The following AKAP9 variants were observed in gnomAD, a reference collection of about 807,000 sequenced individuals.
AKAP9 encodes the protein A-kinase anchoring protein 9, also known as A-kinase anchor protein 9.
A neutral mutation model predicts 488.5 loss-of-function variants in AKAP9; 311 were observed. The ratio of observed to expected loss-of-function variants is 0.64; its 90% CI spans 0.58 to 0.70. The LOEUF (loss-of-function observed/expected upper bound fraction) is 0.70. Among genes scored for constraint, AKAP9 ranks in the 30% least tolerant of loss-of-function variants. The pLI, the probability that AKAP9 is intolerant of heterozygous loss-of-function variation, is 0.00. For missense variants in AKAP9, 4,215 were observed against 4,374.5 expected (o/e 0.96, Z 1.03); for synonymous variants, 1,462 against 1,483.5 (o/e 0.99, Z 0.33).
chr7:92,057,830 A>G (rs1809055366), intron 22 of AKAP9: 1 of 225,568 alleles, frequency 4.4e-6, no homozygotes, highest in African/African-American at 2.2e-5. Context: ...TCTTCTCTTC[A>G]AGGACTTAAT....
In AKAP9 at chr7:92,099,810, G is replaced by A. The variant is rs1817222090; in HGVS notation, c.10837G>A (p.Val3613Ile). The A allele has an allele frequency of 6.2e-7, 1 of 1,614,080 alleles. No homozygotes were observed. Among genetic ancestry groups the A allele is most frequent in the Non-Finnish European group, 8.5e-7 (1 of 1,179,986 alleles). ...TEEKNDLRNMVMKLEEQIRWY... is the reference protein window; with the variant it reads ...TEEKNDLRNMIMKLEEQIRWY... Reference sequence around the variant, plus strand: ...AGAGAAGAATGACTTAAGGAACATGGTTATGAAGCTGGAAGAGCAGATCAG... The same window carrying A: ...AGAGAAGAATGACTTAAGGAACATGATTATGAAGCTGGAAGAGCAGATCAG... Residue 3613 changes from valine to isoleucine, a missense_variant, in exon 44 of 50, where the codon GTT becomes ATT. This residue lies in a region of AKAP9 where 74 missense variants were observed against 113.0 expected (regional missense o/e 0.65). Transcript: ENST00000356239.
At chr7:92,032,548 T>A (rs1292078838) in intron 16 of AKAP9, among the ~76,000 whole-genome samples, 2 of 152,098 alleles carry the variant, frequency 1.3e-5, no homozygotes, top group Admixed American at 6.5e-5. Context: ...AATTATGAGT[T>A]TGCTTTTTTT....
intron 1 of AKAP9, among the ~76,000 whole-genome samples, chr7:91,957,895 G>A (rs770062575): frequency 1.5e-4 from 23 of 150,572 alleles, no homozygotes; most frequent in Non-Finnish European, 1.5e-4. Flanking sequence ...ACTATTTTCA[G>A]AAAAAAAAAT....
intron 1 of AKAP9, among the ~76,000 whole-genome samples, chr7:91,972,218 C>T (rs551243689): frequency 1.3e-5 from 2 of 152,144 alleles, no homozygotes; most frequent in South Asian, 2.1e-4. Context: ...TCTGATTTGG[C>T]GTCTCCTTTG....
intron 3 of AKAP9, among the ~76,000 whole-genome samples, chr7:91,989,124 G>A (rs1469312708): frequency 7.4e-6 from 1 of 135,366 alleles, no homozygotes; most frequent in Non-Finnish European, 1.6e-5. Context: ...TATGAAATGA[G>A]TGATGATGAT....
chr7:91,962,543 A>G (rs1304835525), intron 1 of AKAP9, among the ~76,000 whole-genome samples: 1 of 152,142 alleles, frequency 6.6e-6, no homozygotes, highest in East Asian at 1.9e-4. Flanking sequence ...TAAAAGATAA[A>G]TTATCTTTTT....
rs1289567538 is a variant in AKAP9, at chr7:91,975,235, C to CTT, written c.306+1268_306+1269dup. Among the ~76,000 whole-genome samples, 3 of 152,148 alleles carry CTT rather than the reference C, an allele frequency of 2.0e-5. No individual in the cohort carries two copies. The East Asian group carries it at 5.8e-4, about 29-fold the overall frequency. ...TCCAGGCTGGTCTCGAATTCCAAGA[C>CTT]TTAAGTGATCCTCCCGCTCTGGCTC... On this transcript the variant is annotated intron_variant, in intron 2 of 49. Transcript: ENST00000356239.
At chr7:92,073,062 G>A (rs1329795075) in intron 28 of AKAP9, among the ~76,000 whole-genome samples, 1 of 152,142 alleles carries the variant, frequency 6.6e-6, no homozygotes, top group East Asian at 1.9e-4. Flanking sequence ...AAGTGTTAAA[G>A]ACTGCCATTC....
At chr7:91,985,766 G>A (rs1013408794) in intron 3 of AKAP9, among the ~76,000 whole-genome samples, 1 of 152,030 alleles carries the variant, frequency 6.6e-6, no homozygotes, top group Non-Finnish European at 1.5e-5. Flanking sequence ...TCCTACCTCA[G>A]CCTGCTGAGT....
intron 39 of AKAP9, among the ~76,000 whole-genome samples, chr7:92,094,506 C>T (rs952662206): frequency 6.7e-6 from 1 of 150,174 alleles, no homozygotes; most frequent in Non-Finnish European, 1.5e-5. Context: ...GCACTCCATC[C>T]TGGGTGACAA....
chr7:92,082,768 A>G (rs1011507758), intron 32 of AKAP9, 106 bp downstream of exon 32: 6 of 1,278,644 alleles, frequency 4.7e-6, no homozygotes, highest in Non-Finnish European at 6.6e-6. Flanking sequence ...CTTAAAAGCT[A>G]GATAAAAAGT....
chr7:92,075,487 G>GA lies in AKAP9; in HGVS notation c.6613-1362dup, dbSNP rs545207077. Among the ~76,000 whole-genome samples, 196 of 152,290 alleles carry GA rather than the reference G, an allele frequency of 1.3e-3. 2 individuals are homozygous for GA. In the South Asian group the frequency reaches 0.031, roughly 24 times the overall value. ...ACTGAGTTTAATAACCAGTGTTACA[G>GA]AAAAAATTTTAAGTGTAAGTCTTAG... is the stretch of plus-strand genomic sequence containing the variant. On this transcript the variant is annotated intron_variant, in intron 28 of 49. Transcript: ENST00000356239.
intron 48 of AKAP9, 98 bp downstream of exon 48, chr7:92,107,520 A>G: frequency 3.4e-6 from 4 of 1,188,230 alleles, no homozygotes; most frequent in Non-Finnish European, 4.9e-6. Context: ...TTGCATTGAG[A>G]TAGACATCTT....
At position 92,102,648 on chromosome 7, in the gene AKAP9, C is replaced by T; in HGVS notation, c.11152C>T (p.Gln3718Ter). 1.2e-6 allele frequency: 2 copies of T among 1,614,132 alleles called. No homozygotes were observed. Among genetic ancestry groups the T allele is most frequent in the Non-Finnish European group, 1.7e-6 (2 of 1,180,038 alleles). Reference protein sequence around the residue: ...AESFRKALIYQKKYLLLLLGG... With the variant: ...AESFRKALIY The stretch of plus-strand genomic sequence containing the variant: ...AAGTTTTCGAAAGGCTCTCATTTAC[C>T]AGAAGAAATACCTGCTGCTGTTACT... The change falls in exon 46 of 50, where the codon CAG (glutamine) becomes TAG (stop). Residue 3718 changes from glutamine (Q) to a stop codon, truncating the protein, a stop_gained. Coordinates refer to ENST00000356239, the MANE Select transcript of AKAP9 (RefSeq NM_005751.5). LOFTEE classifies it high-confidence loss of function.
intron 40 of AKAP9, among the ~76,000 whole-genome samples, chr7:92,096,312 G>A (rs2130899242): frequency 6.7e-6 from 1 of 148,562 alleles, no homozygotes. Flanking sequence ...AGGCATGGTT[G>A]TATACTTCTG....
At position 92,061,415 on chromosome 7, in the gene AKAP9, G is replaced by A. The variant is rs781423412; in HGVS notation, c.5757G>A (p.Lys1919=). The change falls in exon 23 of 50, where the codon AAG becomes AAA. Residue 1919 remains lysine, a synonymous_variant. Transcript: ENST00000356239. ...AREQLAVELS[K]AEGVIDGYAD... Reference sequence around the variant, plus strand: ...AACAGCTAGCTGTGGAGCTCAGTAAGGCTGAGGGTGAGCAATTTGCCATTG... The same window carrying A: ...AACAGCTAGCTGTGGAGCTCAGTAAAGCTGAGGGTGAGCAATTTGCCATTG... 17 of 1,612,420 alleles carry A rather than the reference G, an allele frequency of 1.1e-5. No individual in the cohort carries two copies. Among genetic ancestry groups the A allele is most frequent in the Non-Finnish European group, 1.4e-5 (16 of 1,179,314 alleles).
At chr7:92,018,637 AT>A (rs1801884020) in intron 12 of AKAP9, among the ~76,000 whole-genome samples, 1 of 151,942 alleles carries the variant, frequency 6.6e-6, no homozygotes, top group Non-Finnish European at 1.5e-5. Flanking sequence ...TTACTTTATT[AT>A]TTCTCGACTG....
At chr7:92,098,480 C>G (rs1028146635) in intron 43 of AKAP9, among the ~76,000 whole-genome samples, 1 of 152,164 alleles carries the variant, frequency 6.6e-6, no homozygotes, top group Non-Finnish European at 1.5e-5. Context: ...AAAGAGTGAT[C>G]TGGCTTCTAT....
At chr7:91,961,435 C>T (rs1793719112) in intron 1 of AKAP9, among the ~76,000 whole-genome samples, 1 of 151,850 alleles carries the variant, frequency 6.6e-6, no homozygotes, top group Non-Finnish European at 1.5e-5. Flanking sequence ...GCCTCAGCCT[C>T]CCGAACTGCA....
Sources: gnomAD v4.1 joint callset for allele counts (sites outside exome capture counted in the v4.1 genomes callset) on GRCh38, gnomAD v4.1.1 for gene constraint, gnomAD v4.1.1 regional missense constraint, MANE v1.5 for transcripts, NCBI Gene and HGNC (gene_info 2026-07-23, HGNC 2026-07-21) for gene names.